Variants in DMD observed in about 807,000 individuals in gnomAD.
The protein encoded by DMD is dystrophin, also known as mutant dystrophin.
DMD carries 63 observed loss-of-function variants against 330.1 expected under a neutral mutation model. That is an observed-to-expected ratio of 0.19 (90% CI 0.16 to 0.24). DMD has a LOEUF of 0.24. Among genes scored for constraint, DMD ranks in the 10% least tolerant of loss-of-function variants. DMD has a pLI of 1.00. For synonymous variants in DMD, 1,223 were observed against 959.8 expected (o/e 1.27, Z -5.07); for missense variants, 3,344 against 2,684.1 (o/e 1.25, Z -5.43).
intron 43 of DMD, among the ~76,000 whole-genome samples, chrX:32,281,090 T>C (rs1216595405): frequency 4.4e-5 from 5 of 112,597 alleles, no homozygotes; most frequent in Non-Finnish European, 9.4e-5. Context: ...AGTGCTTTAA[T>C]GCTGCAGGCT....
At chrX:33,020,785 A>T (rs5928152) in intron 1 of DMD, among the ~76,000 whole-genome samples, 3,719 of 111,819 alleles carry the variant, frequency 0.033, 103 homozygotes, top group East Asian at 0.18. Flanking sequence ...TTCGCCAGTT[A>T]TGAATAGATA....
intron 55 of DMD, among the ~76,000 whole-genome samples, chrX:31,562,051 CTTT>C (rs1190725566): frequency 9.8e-5 from 11 of 111,754 alleles, no homozygotes; most frequent in Non-Finnish European, 1.7e-4. Context: ...TTAATTTTAT[CTTT>C]TTTATTTTAA....
chrX:32,418,071 TATTAA>T (rs1488395015), intron 29 of DMD, among the ~76,000 whole-genome samples: 4 of 111,165 alleles, frequency 3.6e-5, no homozygotes, highest in African/African-American at 1.3e-4. Context: ...CAAGGAAGCA[TATTAA>T]ATTAAATATG....
chrX:32,566,935 C>T (rs755884235), intron 15 of DMD, among the ~76,000 whole-genome samples: 9 of 112,049 alleles, frequency 8.0e-5, no homozygotes, highest in Admixed American at 1.9e-4. Context: ...AACTAAATCG[C>T]GATACCTGTC....
intron 50 of DMD, among the ~76,000 whole-genome samples, chrX:31,816,500 G>GA (rs2092628118): frequency 9.1e-6 from 1 of 110,203 alleles, no homozygotes; most frequent in African/African-American, 3.3e-5. Context: ...TTCTTAAGTA[G>GA]AAAAAACACA....
intron 29 of DMD, among the ~76,000 whole-genome samples, chrX:32,430,242 T>A (rs2098232665): frequency 1.8e-5 from 2 of 112,043 alleles, no homozygotes; most frequent in African/African-American, 6.5e-5. Context: ...AAATTTGTCT[T>A]TGGATTTCTG....
intron 1 of DMD, among the ~76,000 whole-genome samples, chrX:33,309,352 C>G (rs1283771609): frequency 9.0e-6 from 1 of 111,331 alleles, no homozygotes; most frequent in African/African-American, 3.3e-5. Context: ...TATTACATAT[C>G]TAGCCCTTTC....
At chrX:33,079,407 C>G (rs2094892898) in intron 1 of DMD, among the ~76,000 whole-genome samples, 1 of 111,687 alleles carries the variant, frequency 9.0e-6, no homozygotes, top group Admixed American at 9.6e-5. Flanking sequence ...ACACAATCGA[C>G]AAGGAAATTT....
intron 7 of DMD, among the ~76,000 whole-genome samples, chrX:32,702,595 AG>A (rs1414226911): frequency 9.0e-6 from 1 of 111,470 alleles, no homozygotes; most frequent in Non-Finnish European, 1.9e-5. Context: ...TTTCAATGAG[AG>A]GGTGACACCA....
At chrX:31,183,454 C>T (rs1243315137) in intron 67 of DMD, among the ~76,000 whole-genome samples, 1 of 110,983 alleles carries the variant, frequency 9.0e-6, no homozygotes, top group Non-Finnish European at 1.9e-5. Context: ...AGCAGCAGAG[C>T]TGATAATAGA....
At chrX:32,743,739 GCATT>G (rs2069609606) in intron 7 of DMD, among the ~76,000 whole-genome samples, 1 of 111,064 alleles carries the variant, frequency 9.0e-6, no homozygotes, top group African/African-American at 3.3e-5. Context: ...CCTCTGTAAA[GCATT>G]CTGTGGTTCC....
chrX:31,639,165 A>C (rs1188273578), intron 54 of DMD, among the ~76,000 whole-genome samples: 1 of 111,775 alleles, frequency 8.9e-6, no homozygotes, highest in Non-Finnish European at 1.9e-5. Flanking sequence ...TATTTAACCA[A>C]ATTATACAGA....
chrX:33,304,959 A>G (rs1279199408), intron 1 of DMD, among the ~76,000 whole-genome samples: 7 of 107,902 alleles, frequency 6.5e-5, no homozygotes, highest in Non-Finnish European at 1.4e-4. Flanking sequence ...ACACTTTTAC[A>G]CTGTTGGCGG....
intron 17 of DMD, among the ~76,000 whole-genome samples, chrX:32,536,834 C>T (rs1445698201): frequency 1.8e-5 from 2 of 111,328 alleles, no homozygotes; most frequent in African/African-American, 6.5e-5. Context: ...AGAATTTCTA[C>T]GCCATGCATT....
intron 1 of DMD, among the ~76,000 whole-genome samples, chrX:33,189,178 T>A (rs5972770): frequency 0.14 from 15,888 of 110,710 alleles, 1,432 homozygotes; most frequent in East Asian, 0.45. Flanking sequence ...GATGATTAAC[T>A]GTAAGCATAG....
At chrX:32,431,350 T>C in intron 29 of DMD, among the ~76,000 whole-genome samples, 1 of 111,765 alleles carries the variant, frequency 8.9e-6, no homozygotes, top group East Asian at 2.8e-4. Flanking sequence ...ATATATATGT[T>C]GGCCATATGT....
intron 7 of DMD, among the ~76,000 whole-genome samples, chrX:32,787,243 TGTGTGAGAGAGA>T (rs2075445828): frequency 1.1e-5 from 1 of 93,550 alleles, no homozygotes. Context: ...TGTGTGTGTG[TGTGTGAGAGAGA>T]GAGAGAGAGA....
At chrX:33,031,784 C>G (rs1461729492) in intron 1 of DMD, among the ~76,000 whole-genome samples, 1 of 110,223 alleles carries the variant, frequency 9.1e-6, no homozygotes, top group Non-Finnish European at 1.9e-5. Context: ...AACAAACAAA[C>G]AAACAAACAA....
intron 51 of DMD, among the ~76,000 whole-genome samples, chrX:31,756,421 T>C (rs1055805011): frequency 1.6e-4 from 18 of 111,142 alleles, no homozygotes; most frequent in African/African-American, 5.2e-4. Context: ...CAGTTTATTA[T>C]GTTTCCACGT....
Sources: gnomAD v4.1 joint callset for allele counts (sites outside exome capture counted in the v4.1 genomes callset) on GRCh38, gnomAD v4.1.1 for gene constraint, MANE v1.5 for transcripts, NCBI Gene and HGNC (gene_info 2026-07-23, HGNC 2026-07-21) for gene names.